The following ZNF787 variants were observed in gnomAD, a reference collection of about 807,000 sequenced individuals.
ZNF787 encodes the protein zinc finger protein 787, also known as TTF-I-interacting peptide 20.
Under a neutral mutation model 16.9 loss-of-function variants are expected in ZNF787, and 7 were observed. The ratio of observed to expected loss-of-function variants is 0.42; its 90% CI spans 0.24 to 0.78. The LOEUF (loss-of-function observed/expected upper bound fraction) is 0.78. Among genes scored for constraint, ZNF787 ranks in the 30% least tolerant of loss-of-function variants. ZNF787 has a pLI of 0.30. For missense variants in ZNF787, 551 were observed against 589.3 expected, an observed-to-expected ratio of 0.94 and a Z score of 0.67; for synonymous variants, 345 against 270.9, an observed-to-expected ratio of 1.27 and a Z score of -2.69.
At position 56,088,382 on chromosome 19, in the gene ZNF787, C is replaced by A. The variant is rs1416227707; in HGVS notation, c.790G>T (p.Ala264Ser). 102 of 1,102,706 alleles carry A rather than the reference C, an allele frequency of 9.2e-5. No individual in the cohort carries two copies. Among genetic ancestry groups the A allele is most frequent in the Non-Finnish European group, 1.1e-4 (99 of 905,626 alleles). 68.3% of individuals were successfully genotyped at this position (1,102,706 alleles called of 1,614,324 possible). A position where few individuals can be genotyped will look rare whatever the true frequency, so the allele number is the denominator to read the frequency against. The part of the protein sequence containing the change: ...AAAAAMAGAG[A>S]KAAGPRSRRA... ...CGCGACCGGGGCCCCGCGGCCTTTGCCCCCGCGCCCGCCATGGCTGCCGCG... is the reference window on the plus strand; with the variant it reads ...CGCGACCGGGGCCCCGCGGCCTTTGACCCCGCGCCCGCCATGGCTGCCGCG... Residue 264 changes from alanine (A) to serine (S), a missense_variant, in exon 3 of 3, where the codon GCA becomes TCA. Transcript: ENST00000610935. This position sits in a 1 kb window ranked among gnomAD's most constrained non-coding sequence, Gnocchi z 8.6.
intron 1 of ZNF787, among the ~76,000 whole-genome samples, chr19:56,115,848 C>G (rs1194281713): frequency 6.6e-6 from 1 of 152,196 alleles, no homozygotes; most frequent in African/African-American, 2.4e-5. Flanking sequence ...GACTTGGTGC[C>G]TGCAGATCTT....
chr19:56,114,394 C>G (rs1422073771), intron 1 of ZNF787, among the ~76,000 whole-genome samples: 1 of 119,046 alleles, frequency 8.4e-6, no homozygotes, highest in African/African-American at 3.6e-5. Flanking sequence ...GGGCCGGGCT[C>G]AGTCCTCCAC....
At chr19:56,099,635 T>C (rs664091) in intron 2 of ZNF787, among the ~76,000 whole-genome samples, 141,904 of 149,370 alleles carry the variant, frequency 0.95, 68,014 homozygotes, top group Non-Finnish European at 0.99. Context: ...CGCTTGAACC[T>C]GGGAGGTGGA....
chr19:56,094,726 G>C (rs2123396947), intron 2 of ZNF787, among the ~76,000 whole-genome samples: 1 of 152,250 alleles, frequency 6.6e-6, no homozygotes, highest in African/African-American at 2.4e-5. Context: ...GACTGGTTTT[G>C]TGGAAGACAA....
intron 2 of ZNF787, among the ~76,000 whole-genome samples, chr19:56,098,932 G>A (rs1985988061): frequency 6.6e-6 from 1 of 152,052 alleles, no homozygotes; most frequent in Non-Finnish European, 1.5e-5. Flanking sequence ...TGGCACAGCA[G>A]GACACTGCCG....
In ZNF787 at chr19:56,088,997, G is replaced by A. The variant is rs1476428934; in HGVS notation, c.175C>T (p.Arg59Trp). 28 of 1,495,876 alleles carry A rather than the reference G, an allele frequency of 1.9e-5. No individual in the cohort carries two copies. Among genetic ancestry groups the A allele is most frequent in the Admixed American group, 4.7e-5 (2 of 42,330 alleles). The allele number at this position is 1,495,876 out of a possible 1,614,324, so 92.7% of individuals were successfully genotyped here. A position where few individuals can be genotyped will look rare whatever the true frequency, so the allele number is the denominator to read the frequency against. ...ATGTAGGGGGCGGGCGGCCGCGGCC[G>A]GGGAGGCGGGCCGGCTGGGGGCGCA... ...QSAPPAGPPP[R>W]PRPPAPYICN... Residue 59 changes from arginine to tryptophan, a missense_variant, in exon 3 of 3, where the codon CGG becomes TGG. Arg to Trp is a moderately radical substitution (Grantham distance 101, BLOSUM62 -3). Around this residue, in one of 4 missense-constraint regions of ZNF787, gnomAD observed 80 missense variants for 105.9 expected, o/e 0.76. Coordinates refer to ENST00000610935, the MANE Select transcript of ZNF787 (RefSeq NM_001002836.4). The surrounding 1 kb of genome is among the most constrained non-coding windows in gnomAD (Gnocchi z 8.6).
chr19:56,108,849 A>C (rs970363069), intron 1 of ZNF787, among the ~76,000 whole-genome samples: 11 of 152,198 alleles, frequency 7.2e-5, no homozygotes, highest in African/African-American at 2.7e-4. Context: ...AGTTCAGGCT[A>C]AACTGCCATG....
At chr19:56,107,102 G>T (rs1986354050) in intron 1 of ZNF787, among the ~76,000 whole-genome samples, 1 of 152,224 alleles carries the variant, frequency 6.6e-6, no homozygotes, top group Non-Finnish European at 1.5e-5. Flanking sequence ...CCACCCCACG[G>T]TTCCAGGCAC....
At chr19:56,093,378 T>A (rs2123394827) in intron 2 of ZNF787, among the ~76,000 whole-genome samples, 1 of 152,222 alleles carries the variant, frequency 6.6e-6, no homozygotes, top group Admixed American at 6.5e-5. Context: ...ATTACAACCC[T>A]CTTGCTGGGT....
chr19:56,113,965 G>A (rs2030056929), intron 1 of ZNF787, among the ~76,000 whole-genome samples: 1 of 152,156 alleles, frequency 6.6e-6, no homozygotes. Flanking sequence ...GAGTAGCTGG[G>A]ACTACAAGCG....
At chr19:56,103,834 C>T (rs1367666663) in intron 1 of ZNF787, among the ~76,000 whole-genome samples, 2 of 126,408 alleles carry the variant, frequency 1.6e-5, no homozygotes, top group South Asian at 3.0e-4. Flanking sequence ...TGCCACGCAC[C>T]GGGAGGGTCT....
intron 2 of ZNF787, among the ~76,000 whole-genome samples, chr19:56,092,885 T>G (rs184202340): frequency 2.7e-3 from 260 of 96,700 alleles, no homozygotes; most frequent in South Asian, 5.0e-3. Flanking sequence ...GGGGATGGCG[T>G]AAGTGGGATA....
chr19:56,094,084 C>T (rs938220625), intron 2 of ZNF787, among the ~76,000 whole-genome samples: 2 of 151,982 alleles, frequency 1.3e-5, no homozygotes, highest in East Asian at 1.9e-4. Context: ...AGTGCAGTGA[C>T]ATGATCTCGG....
chr19:56,089,894 C>T (rs1444067708), intron 2 of ZNF787, among the ~76,000 whole-genome samples: 2 of 152,266 alleles, frequency 1.3e-5, no homozygotes, highest in Middle Eastern at 3.4e-3. Flanking sequence ...GAGGGATGGG[C>T]TTGCCTCCTC....
Position 56,087,959 on chromosome 19 carries a change from T to TA in ZNF787, c.*63_*64insT, listed in dbSNP as rs1985368208. 2 of 1,297,650 alleles carry TA rather than the reference T, an allele frequency of 1.5e-6. No individual in the cohort carries two copies. The highest frequency in any genetic ancestry group is 2.0e-5 in the South Asian group (1 of 49,382). The allele number at this position is 1,297,650 out of a possible 1,614,324, so 80.4% of individuals were successfully genotyped here. ...CCGCTTCTCCCTGGGTCTCTTGGTCTTGCACGTCGTCGCTCCCGCCAAGCC... is the reference window on the plus strand; with the variant it reads ...CCGCTTCTCCCTGGGTCTCTTGGTCTATGCACGTCGTCGCTCCCGCCAAGCC... On this transcript the variant is annotated 3_prime_UTR_variant, in exon 3 of 3. Coordinates refer to ENST00000610935, the MANE Select transcript of ZNF787 (RefSeq NM_001002836.4).
chr19:56,115,822 G>A (rs113025953), intron 1 of ZNF787, among the ~76,000 whole-genome samples: 9 of 152,190 alleles, frequency 5.9e-5, no homozygotes, highest in African/African-American at 7.2e-5. Flanking sequence ...TGGAGACAGC[G>A]GGGCACAGCC....
chr19:56,105,057 G>C (rs6509983), intron 1 of ZNF787, among the ~76,000 whole-genome samples: 88,981 of 151,932 alleles, frequency 0.59, 28,886 homozygotes, highest in South Asian at 0.81. Flanking sequence ...AAACCCAGGA[G>C]GCAGAGGTTG....
In ZNF787 at chr19:56,088,353, G is replaced by T. The variant is rs1437990938; in HGVS notation, c.819C>A (p.Arg273=). Residue 273 remains arginine (R), a synonymous_variant, in exon 3 of 3, where the codon CGC becomes CGA. Transcript: ENST00000610935. This position sits in a 1 kb window ranked among gnomAD's most constrained non-coding sequence, Gnocchi z 8.6. ...ACACGTACGGCTTGGGGGCCGGGGC[G>T]CGCCGCGACCGGGGCCCCGCGGCCT... ...GAKAAGPRSR[R]APAPKPYVCL... is the part of the protein sequence containing the mutation. 22 of 1,162,322 alleles carry T rather than the reference G, an allele frequency of 1.9e-5. No individual in the cohort carries two copies. Among genetic ancestry groups the T allele is most frequent in the Non-Finnish European group, 2.2e-5 (21 of 941,752 alleles). The allele number at this position is 1,162,322 out of a possible 1,614,324, so 72.0% of individuals were successfully genotyped here. A position where few individuals can be genotyped will look rare whatever the true frequency, so the allele number is the denominator to read the frequency against.
At chr19:56,112,122 G>A (rs994465359) in intron 1 of ZNF787, among the ~76,000 whole-genome samples, 1 of 152,184 alleles carries the variant, frequency 6.6e-6, no homozygotes, top group Non-Finnish European at 1.5e-5. Context: ...AACGATGGGA[G>A]AGGCGGGGGC....
Sources: allele counts gnomAD v4.1 joint callset (sites outside exome capture counted in the v4.1 genomes callset), GRCh38; gene constraint gnomAD v4.1.1; regional missense constraint gnomAD v4.1.1; non-coding constraint Gnocchi (gnomAD v3.1); transcripts MANE v1.5; gene names NCBI Gene and HGNC (gene_info 2026-07-23, HGNC 2026-07-21).